The following HEATR5B variants were observed in gnomAD, a reference collection of about 807,000 sequenced individuals.
The protein encoded by HEATR5B is HEAT repeat containing 5B.
Under a neutral mutation model 224.1 loss-of-function variants are expected in HEATR5B, and 156 were observed. That is an observed-to-expected ratio of 0.70 (90% CI 0.61 to 0.80). The LOEUF (loss-of-function observed/expected upper bound fraction) is 0.80, where lower values mean the gene tolerates loss of function less well. HEATR5B is among the 30% of genes least tolerant of loss of function. The probability of loss-of-function intolerance (pLI) is 0.00; values close to 1 mark genes in which losing one functional copy is unlikely to be tolerated. For synonymous variants in HEATR5B, 1,027 were observed against 893.0 expected (o/e 1.15, Z -2.68); for missense variants, 2,323 against 2,535.5 (o/e 0.92, Z 1.80).
intron 18 of HEATR5B, among the ~76,000 whole-genome samples, chr2:37,043,159 G>A (rs906748056): frequency 6.6e-6 from 1 of 152,178 alleles, no homozygotes; most frequent in Non-Finnish European, 1.5e-5. Context: ...TGCGGACAAG[G>A]CAGAGCTTTC....
intron 33 of HEATR5B, among the ~76,000 whole-genome samples, chr2:36,993,542 A>C (rs1666481160): frequency 1.4e-5 from 2 of 139,228 alleles, no homozygotes; most frequent in Admixed American, 1.5e-4. Context: ...GACTCTGTTT[A>C]AAAAAAAAAA....
At chr2:37,080,766 A>C (rs1400783909) in intron 2 of HEATR5B, among the ~76,000 whole-genome samples, 1 of 151,740 alleles carries the variant, frequency 6.6e-6, no homozygotes, top group East Asian at 1.9e-4. Flanking sequence ...CTGAAGGAAT[A>C]TGTACAGATT....
At chr2:37,013,385 C>A (rs1667913541) in intron 27 of HEATR5B, among the ~76,000 whole-genome samples, 1 of 152,178 alleles carries the variant, frequency 6.6e-6, no homozygotes, top group South Asian at 2.1e-4. Context: ...GTAAAACTAG[C>A]TATTAAAAAA....
At chr2:37,081,350 T>C (rs1311576016) in intron 2 of HEATR5B, among the ~76,000 whole-genome samples, 4 of 152,192 alleles carry the variant, frequency 2.6e-5, no homozygotes, top group Non-Finnish European at 2.9e-5. Context: ...AGGTCATGCA[T>C]TGACTGTTTC....
In HEATR5B at chr2:37,084,345, C is replaced by T; in HGVS notation, c.-99G>A. The stretch of plus-strand genomic sequence containing the variant: ...CCAAGAGACCCGGATGCCCCACCTC[C>T]CGCACTCCTACCTGCAGGAAACAAG... On this transcript the variant is annotated 5_prime_UTR_variant, in exon 1 of 36. Coordinates refer to ENST00000233099, the MANE Select transcript of HEATR5B (RefSeq NM_019024.3). 1 of 447,342 alleles carries T rather than the reference C, an allele frequency of 2.2e-6. No homozygotes were observed. The highest frequency in any genetic ancestry group is 4.4e-5 in the Admixed American group (1 of 22,746). The allele number at this position is 447,342 out of a possible 1,614,324, so 27.7% of individuals were successfully genotyped here.
chr2:37,016,360 C>T (rs1668118325), intron 26 of HEATR5B, among the ~76,000 whole-genome samples: 1 of 152,126 alleles, frequency 6.6e-6, no homozygotes, highest in Admixed American at 6.6e-5. Context: ...ATCTGCCTGC[C>T]TCAGCCTCCC....
intron 33 of HEATR5B, among the ~76,000 whole-genome samples, chr2:36,997,776 T>C (rs985073541): frequency 1.6e-4 from 24 of 151,906 alleles, no homozygotes; most frequent in Admixed American, 9.2e-4. Context: ...CTGTGTTAGC[T>C]AGGATGGTGT....
chr2:36,985,621 CTTTTTTTTTTTT>C (rs558499229), intron 35 of HEATR5B, among the ~76,000 whole-genome samples: 2 of 92,298 alleles, frequency 2.2e-5, no homozygotes, highest in Non-Finnish European at 4.2e-5. Flanking sequence ...CCACTCCTGG[CTTTTTTTTTTTT>C]TTTTTTTTTT....
At position 37,057,446 on chromosome 2, in the gene HEATR5B, C is replaced by T. The variant is rs201706617; in HGVS notation, c.2094G>A (p.Ala698=). The T allele has an allele frequency of 1.2e-5, 20 of 1,610,120 alleles. No homozygotes were observed. The highest frequency in any genetic ancestry group is 8.0e-5 in the African/African-American group (6 of 74,760). ...CTGAGTTGTCAGTCAAAGTGAATTC[C>T]GCTACCAGTTCTCTAAGAAGTGCAT... is the stretch of plus-strand genomic sequence containing the variant. ...SFNALLRELV[A]EFTLTDNSAN... The change falls in exon 15 of 36, where the codon GCG becomes GCA. Residue 698 remains alanine, a synonymous_variant. Transcript: ENST00000233099.
intron 35 of HEATR5B, among the ~76,000 whole-genome samples, chr2:36,984,529 G>A (rs1302884254): frequency 6.6e-6 from 1 of 151,716 alleles, no homozygotes; most frequent in African/African-American, 2.4e-5. Context: ...AGTGAGCTAC[G>A]CAATTAGGCA....
chr2:37,084,322 A>C lies in HEATR5B; in HGVS notation c.-76T>G. 1 of 404,658 alleles carries C rather than the reference A, an allele frequency of 2.5e-6. No individual in the cohort carries two copies. The allele number at this position is 404,658 out of a possible 1,614,324, so 25.1% of individuals were successfully genotyped here. ...AGCTCCGGGGGTAGAAGCAGCCACC[A>C]AGAGACCCGGATGCCCCACCTCCCG... is the stretch of plus-strand genomic sequence containing the variant. On this transcript the variant is annotated 5_prime_UTR_variant, in exon 1 of 36. Transcript: ENST00000233099.
Position 37,071,986 on chromosome 2 carries a change from G to C in HEATR5B, c.769+124C>G, listed in dbSNP as rs968905681. Reference sequence around the variant, plus strand: ...GGCATGAGTCACCGCGCCCAGCCAGGTTCTTTCATTTTATGGAAAAGTAGA... The same window carrying C: ...GGCATGAGTCACCGCGCCCAGCCAGCTTCTTTCATTTTATGGAAAAGTAGA... On this transcript the variant is annotated intron_variant, in intron 6 of 35. Coordinates refer to ENST00000233099, the MANE Select transcript of HEATR5B (RefSeq NM_019024.3). The C allele has an allele frequency of 3.2e-5, 24 of 750,672 alleles. No individual in the cohort carries two copies. In the Admixed American group the frequency reaches 3.4e-4, roughly 11 times the overall value. 46.5% of individuals were successfully genotyped at this position (750,672 alleles called of 1,614,324 possible). A position where few individuals can be genotyped will look rare whatever the true frequency, so the allele number is the denominator to read the frequency against.
chr2:36,999,969 G>C (rs2372788), intron 33 of HEATR5B, among the ~76,000 whole-genome samples: 27,266 of 151,360 alleles, frequency 0.18, 3,152 homozygotes, highest in East Asian at 0.52. Flanking sequence ...CTGAGATCAC[G>C]CCACTGCACT....
chr2:37,035,765 T>C (rs1004222030), intron 21 of HEATR5B, among the ~76,000 whole-genome samples: 2 of 152,156 alleles, frequency 1.3e-5, no homozygotes, highest in African/African-American at 4.8e-5. Flanking sequence ...TACGTCTCTG[T>C]TTTCCATATA....
intron 15 of HEATR5B, among the ~76,000 whole-genome samples, chr2:37,056,871 A>G (rs1046005697): frequency 6.6e-6 from 1 of 152,228 alleles, no homozygotes; most frequent in Non-Finnish European, 1.5e-5. Context: ...TGCGTGAACA[A>G]TATACACAAG....
At chr2:36,993,535 T>A (rs1411973958) in intron 33 of HEATR5B, among the ~76,000 whole-genome samples, 2 of 147,472 alleles carry the variant, frequency 1.4e-5, no homozygotes, top group East Asian at 2.0e-4. Flanking sequence ...AGAGTGAGAC[T>A]CTGTTTAAAA....
In HEATR5B at chr2:36,990,798, T is replaced by C. The variant is rs1666276090; in HGVS notation, c.5547A>G (p.Glu1849=). ...CTTCATCAGGTGTAGGTACAGAGTCTTCTGAAAATGAAAAATGAAAGAAGT... is the reference window on the plus strand; with the variant it reads ...CTTCATCAGGTGTAGGTACAGAGTCCTCTGAAAATGAAAAATGAAAGAAGT... The part of the protein sequence containing the change: ...LACILEYSQP[E]DSVPTPDEVS... Residue 1849 remains glutamate, a splice_region_variant and synonymous_variant, in exon 34 of 36, where the codon GAA becomes GAG. Coordinates refer to ENST00000233099, the MANE Select transcript of HEATR5B (RefSeq NM_019024.3). 3.2e-6 allele frequency: 5 copies of C among 1,542,152 alleles called. 1 individual carries two copies. The highest frequency in any genetic ancestry group is 1.8e-4 in the Middle Eastern group (1 of 5,704).
chr2:37,018,427 G>A lies in HEATR5B; in HGVS notation c.4104+1382C>T, dbSNP rs532180760. Among the ~76,000 whole-genome samples the A allele has an allele frequency of 2.7e-4, 41 of 152,208 alleles. No individual in the cohort carries two copies. The South Asian group carries it at 8.1e-3, about 30-fold the overall frequency. ...GTATCCCAAACCAAATTACCTAGTC[G>A]AAGGTTTGCATCACGATCCAGAGAC... On this transcript the variant is annotated intron_variant, in intron 26 of 35. Coordinates refer to ENST00000233099, the MANE Select transcript of HEATR5B (RefSeq NM_019024.3).
At chr2:36,995,881 A>G (rs1666668031) in intron 33 of HEATR5B, among the ~76,000 whole-genome samples, 1 of 152,092 alleles carries the variant, frequency 6.6e-6, no homozygotes, top group African/African-American at 2.4e-5. Context: ...CAGTAAGGCT[A>G]AAGAGTATGC....
Sources: allele counts gnomAD v4.1 joint callset (sites outside exome capture counted in the v4.1 genomes callset), GRCh38; gene constraint gnomAD v4.1.1; transcripts MANE v1.5; gene names NCBI Gene and HGNC (gene_info 2026-07-23, HGNC 2026-07-21).